Variants in SNTB2 observed in about 807,000 individuals in gnomAD.
SNTB2 encodes the protein beta-2-syntrophin.
Under a neutral mutation model 46.2 loss-of-function variants are expected in SNTB2, and 34 were observed. That is an observed-to-expected ratio of 0.74 (90% CI 0.56 to 0.98). SNTB2 has a LOEUF of 0.98. Ranked by LOEUF, SNTB2 falls within the 50% of genes least tolerant of loss-of-function variation. SNTB2 has a pLI of 0.00. For missense variants in SNTB2, 603 were observed against 731.4 expected, an observed-to-expected ratio of 0.82 and a Z score of 2.02; for synonymous variants, 290 against 312.6, an observed-to-expected ratio of 0.93 and a Z score of 0.76.
chr16:69,216,052 G>C (rs929935158), intron 1 of SNTB2, among the ~76,000 whole-genome samples: 1 of 152,220 alleles, frequency 6.6e-6, no homozygotes, highest in East Asian at 1.9e-4. Flanking sequence ...CTGGGCTCAA[G>C]CCGTCCTCTG....
rs181256027 is a variant in SNTB2 at position 69,222,207 on chromosome 16, C to T, written c.581-23395C>T. Among the ~76,000 whole-genome samples the T allele has an allele frequency of 1.1e-4, 16 of 152,266 alleles. No individual in the cohort carries two copies. In the East Asian group the frequency reaches 1.3e-3, roughly 13 times the overall value. On this transcript the variant is annotated intron_variant, in intron 1 of 6. Coordinates refer to ENST00000336278, the MANE Select transcript of SNTB2 (RefSeq NM_006750.4). ...TTCTATTATTTCTGCTTTTCCTTGA[C>T]GTACAACATAAAAAATATCAACTGT...
chr16:69,284,100 A>G lies in SNTB2; in HGVS notation c.1201A>G (p.Thr401Ala), dbSNP rs1345627983. The G allele has an allele frequency of 3.1e-6, 5 of 1,613,790 alleles. No individual in the cohort carries two copies. Among genetic ancestry groups the G allele is most frequent in the Non-Finnish European group, 4.2e-6 (5 of 1,179,958 alleles). Reference protein sequence around the residue: ...CRSPSLGSDLTFATRTGSRQG... With the variant: ...CRSPSLGSDLAFATRTGSRQG... ...ATCCCCCTCCCTTGGATCTGACCTT[A>G]CATTTGCTACCAGGACAGGCTCTCG... Residue 401 changes from threonine (T) to alanine (A), a missense_variant, in exon 5 of 7, where the codon ACA (threonine) becomes GCA (alanine). This residue lies in a region of SNTB2 where 537 missense variants were observed against 692.4 expected (regional missense o/e 0.78). Transcript: ENST00000336278.
chr16:69,299,685 T>C lies in SNTB2; in HGVS notation c.1441T>C (p.Tyr481His), dbSNP rs760247430. Residue 481 changes from tyrosine to histidine, a missense_variant, in exon 6 of 7, where the codon TAC becomes CAC. By Grantham distance (83) the Tyr-to-His change is moderately conservative. Coordinates refer to ENST00000336278, the MANE Select transcript of SNTB2 (RefSeq NM_006750.4). ...AAATGGAGGCTCCAGCAGCATATTG[T>C]ACCGCTACCCCTTTGAAAGGCTGAA... ...RENGGSSSIL[Y>H]RYPFERLKMS... 3.7e-6 allele frequency: 6 copies of C among 1,614,068 alleles called. No homozygotes were observed. The highest frequency in any genetic ancestry group is 3.3e-5 in the Admixed American group (2 of 60,006).
chr16:69,298,099 C>G (rs898183032), intron 5 of SNTB2, among the ~76,000 whole-genome samples: 7 of 152,038 alleles, frequency 4.6e-5, no homozygotes, highest in African/African-American at 1.7e-4. Context: ...CCACCATGCC[C>G]AGATACATTT....
rs1488967825 is a variant in SNTB2, at chr16:69,305,502, T to A, written c.*4578T>A. 1 of 152,226 alleles carries A rather than the reference T, an allele frequency of 6.6e-6. No homozygotes were observed. The highest frequency in any genetic ancestry group is 2.1e-4 in the South Asian group (1 of 4,834). 9.4% of individuals were successfully genotyped at this position (152,226 alleles called of 1,614,324 possible). On this transcript the variant is annotated 3_prime_UTR_variant, in exon 7 of 7. Transcript: ENST00000336278. ...GTTAGAAAGCCAAAGGTCTTCTTTT[T>A]TCAATTCCTAATGAATAAGTAAAAT...
chr16:69,298,257 T>C (rs776082639), intron 5 of SNTB2, among the ~76,000 whole-genome samples: 2 of 152,204 alleles, frequency 1.3e-5, no homozygotes, highest in Non-Finnish European at 2.9e-5. Flanking sequence ...TTTGCCAGTC[T>C]TGATGACCAA....
chr16:69,245,459 T>C, intron 1 of SNTB2, 143 bp from the exon 2 acceptor site: 1 of 751,458 alleles, frequency 1.3e-6, no homozygotes, highest in South Asian at 1.7e-5. Context: ...CCTCCCAAAG[T>C]GCTGGGATTA....
chr16:69,279,868 A>T (rs12931608), intron 4 of SNTB2, among the ~76,000 whole-genome samples: 118,275 of 143,796 alleles, frequency 0.82, 48,742 homozygotes, highest in East Asian at 0.95. Flanking sequence ...TTAATTAATT[A>T]ATTTATTTAT....
At chr16:69,214,535 A>G (rs758398739) in intron 1 of SNTB2, among the ~76,000 whole-genome samples, 4 of 150,136 alleles carry the variant, frequency 2.7e-5, no homozygotes, top group African/African-American at 4.9e-5. Context: ...ATATGTGTGT[A>G]TGTATGTTTG....
intron 1 of SNTB2, among the ~76,000 whole-genome samples, chr16:69,244,817 C>T (rs1260641245): frequency 1.3e-5 from 2 of 152,166 alleles, no homozygotes; most frequent in Non-Finnish European, 2.9e-5. Context: ...ATAGCTGTCT[C>T]CCCTGCAAGG....
intron 1 of SNTB2, among the ~76,000 whole-genome samples, chr16:69,227,341 TA>T (rs1964468850): frequency 6.6e-6 from 1 of 152,214 alleles, no homozygotes; most frequent in Non-Finnish European, 1.5e-5. Flanking sequence ...GTATAAAATT[TA>T]TTTGTGCTAC....
rs1965310646 is a variant in SNTB2, at chr16:69,305,651, C to T, written c.*4727C>T. On this transcript the variant is annotated 3_prime_UTR_variant, in exon 7 of 7. Transcript: ENST00000336278. ...TAAGTTGAATTTGACTGTAGTCATTCATTCTTTTTATATATCTCTGTCAGG... is the reference window on the plus strand; with the variant it reads ...TAAGTTGAATTTGACTGTAGTCATTTATTCTTTTTATATATCTCTGTCAGG... The T allele has an allele frequency of 6.6e-6, 1 of 152,092 alleles. No individual in the cohort carries two copies. Among genetic ancestry groups the T allele is most frequent in the Non-Finnish European group, 1.5e-5 (1 of 68,028 alleles). 9.4% of individuals were successfully genotyped at this position (152,092 alleles called of 1,614,324 possible).
intron 1 of SNTB2, among the ~76,000 whole-genome samples, chr16:69,199,268 T>C (rs550798361): frequency 6.6e-6 from 1 of 152,186 alleles, no homozygotes; most frequent in Non-Finnish European, 1.5e-5. Flanking sequence ...AGATGGAACC[T>C]CAAGATTTAC....
chr16:69,301,407 A>G lies in SNTB2; in HGVS notation c.*483A>G, dbSNP rs1965276739. 1 of 160,212 alleles carries G rather than the reference A, an allele frequency of 6.2e-6. No individual in the cohort carries two copies. Among genetic ancestry groups the G allele is most frequent in the East Asian group, 1.8e-4 (1 of 5,664 alleles). 9.9% of individuals were successfully genotyped at this position (160,212 alleles called of 1,614,324 possible). ...TTCCTGAGCATTCCAGATAGGTCGTATGTCTTGGAATTTACTGTCCTCACT... is the reference window on the plus strand; with the variant it reads ...TTCCTGAGCATTCCAGATAGGTCGTGTGTCTTGGAATTTACTGTCCTCACT... On this transcript the variant is annotated 3_prime_UTR_variant, in exon 7 of 7. Transcript: ENST00000336278.
chr16:69,278,019 A>T (rs1964998347), intron 4 of SNTB2, among the ~76,000 whole-genome samples: 1 of 152,208 alleles, frequency 6.6e-6, no homozygotes, highest in Non-Finnish European at 1.5e-5. Context: ...TTATCTCTAC[A>T]CAAAATACAA....
At position 69,223,285 on chromosome 16, in the gene SNTB2, T is replaced by C. The variant is rs538973624; in HGVS notation, c.581-22317T>C. ...TTGGCTCACTGCAACCTCTGCCTCC[T>C]GGGTTCAAGCGATTCTCCTGCCTCA... On this transcript the variant is annotated intron_variant, in intron 1 of 6. Coordinates refer to ENST00000336278, the MANE Select transcript of SNTB2 (RefSeq NM_006750.4). 5.2e-3 allele frequency among the ~76,000 whole-genome samples: 773 copies of C among 149,366 alleles called. 7 individuals carry two copies. The highest frequency in any genetic ancestry group is 5.7e-3 in the Non-Finnish European group (385 of 67,186).
rs190829921 is a variant in SNTB2, at chr16:69,303,634, C to A, written c.*2710C>A. Reference sequence around the variant, plus strand: ...ATTAGCAGCCCCAAGAACCAGAACCCTTTTGCTGCTTTTCTTACATACCTA... The same window carrying A: ...ATTAGCAGCCCCAAGAACCAGAACCATTTTGCTGCTTTTCTTACATACCTA... On this transcript the variant is annotated 3_prime_UTR_variant, in exon 7 of 7. Transcript: ENST00000336278. 2.0e-5 allele frequency: 3 copies of A among 152,718 alleles called. No homozygotes were observed. In the East Asian group the frequency reaches 5.8e-4, roughly 29 times the overall value. 9.5% of individuals were successfully genotyped at this position (152,718 alleles called of 1,614,324 possible).
At chr16:69,194,704 C>G (rs1412509755) in intron 1 of SNTB2, among the ~76,000 whole-genome samples, 1 of 152,078 alleles carries the variant, frequency 6.6e-6, no homozygotes, top group South Asian at 2.1e-4. Context: ...TTGGCCAGGC[C>G]TATATCAGGT....
At position 69,249,599 on chromosome 16, in the gene SNTB2, G is replaced by C. The variant is rs564767475; in HGVS notation, c.794+3784G>C. ...TTATACACTAAAGACATTTCGTGATGGTCAGATGTGAAATAGATTTTCAGA... is the reference window on the plus strand; with the variant it reads ...TTATACACTAAAGACATTTCGTGATCGTCAGATGTGAAATAGATTTTCAGA... On this transcript the variant is annotated intron_variant, in intron 2 of 6. Transcript: ENST00000336278. 4.6e-5 allele frequency among the ~76,000 whole-genome samples: 7 copies of C among 152,132 alleles called. 1 individual carries two copies. Among genetic ancestry groups the C allele is most frequent in the Admixed American group, 4.6e-4 (7 of 15,268 alleles).
Sources: allele counts gnomAD v4.1 joint callset (sites outside exome capture counted in the v4.1 genomes callset), GRCh38; gene constraint gnomAD v4.1.1; regional missense constraint gnomAD v4.1.1; transcripts MANE v1.5; gene names NCBI Gene and HGNC (gene_info 2026-07-23, HGNC 2026-07-21).